Variants in KCNQ1 observed in about 807,000 individuals in gnomAD.
KCNQ1 encodes potassium voltage-gated channel subfamily KQT member 1.
KCNQ1 carries 49 observed loss-of-function variants against 72.4 expected under a neutral mutation model. That is an observed-to-expected ratio of 0.68 (90% CI 0.54 to 0.86). The LOEUF is 0.86. KCNQ1 is among the 40% of genes least tolerant of loss of function. KCNQ1 has a pLI of 0.00. For synonymous variants in KCNQ1, 450 were observed against 412.6 expected (o/e 1.09, Z -1.10); for missense variants, 790 against 945.1 (o/e 0.84, Z 2.15).
chr11:2,560,510 C>T lies in KCNQ1; in HGVS notation c.478-10118C>T, dbSNP rs865841248. Among the ~76,000 whole-genome samples, 234 of 29,428 alleles carry T rather than the reference C, an allele frequency of 8.0e-3. 1 individual carries two copies. The highest frequency in any genetic ancestry group is 0.042 in the Middle Eastern group (1 of 24). The allele number at this position is 29,428 out of a possible 152,430, so 19.3% of individuals were successfully genotyped here. A position where few individuals can be genotyped will look rare whatever the true frequency, so the allele number is the denominator to read the frequency against. On this transcript the variant is annotated intron_variant, in intron 2 of 15. Transcript: ENST00000155840. Reference sequence around the variant, plus strand: ...GCGGGTGATGTTCATCCTTGGGGGACGGGGGAAGGTGATGTTCCTTCTGGG... The same window carrying T: ...GCGGGTGATGTTCATCCTTGGGGGATGGGGGAAGGTGATGTTCCTTCTGGG...
rs553305164 is a variant in KCNQ1, at chr11:2,673,279, C to T, written c.1514+11198C>T. On this transcript the variant is annotated intron_variant, in intron 11 of 15. Coordinates refer to ENST00000155840, the MANE Select transcript of KCNQ1 (RefSeq NM_000218.3). This position sits in a 1 kb window ranked among gnomAD's most constrained non-coding sequence, Gnocchi z 4.5. ...ACTGCAAAGCCTCAGCCACCTTCTC[C>T]CCTAGAAGAAATCTTGAGAGAAACA... 1 of 398,734 alleles carries T rather than the reference C, an allele frequency of 2.5e-6. No homozygotes were observed. The highest frequency in any genetic ancestry group is 3.6e-5 in the East Asian group (1 of 28,072). The allele number at this position is 398,734 out of a possible 1,614,324, so 24.7% of individuals were successfully genotyped here. A position where few individuals can be genotyped will look rare whatever the true frequency, so the allele number is the denominator to read the frequency against.
At position 2,567,633 on chromosome 11, in the gene KCNQ1, T is replaced by C. The variant is rs1451393746; in HGVS notation, c.478-2995T>C. 1.3e-5 allele frequency among the ~76,000 whole-genome samples: 2 copies of C among 152,230 alleles called. No homozygotes were observed. The highest frequency in any genetic ancestry group is 4.8e-5 in the African/African-American group (2 of 41,446). On this transcript the variant is annotated intron_variant, in intron 2 of 15. Coordinates refer to ENST00000155840, the MANE Select transcript of KCNQ1 (RefSeq NM_000218.3). The surrounding 1 kb of genome is among the most constrained non-coding windows in gnomAD (Gnocchi z 6.6). ...AGGGGACTTTTCCTTGGCTCTTTCC[T>C]GGCCTGCTAGCAGCACCAGCCTAAT... is the stretch of plus-strand genomic sequence containing the variant.
At chr11:2,528,350 G>A (rs966844389) in intron 2 of KCNQ1, among the ~76,000 whole-genome samples, 6 of 152,318 alleles carry the variant, frequency 3.9e-5, no homozygotes, top group South Asian at 2.1e-4. Flanking sequence ...AGGCCTGCCC[G>A]AGCCTTCGTG....
rs1401489952 is a variant in KCNQ1 at position 2,782,185 on chromosome 11, C to G, written c.1794+4148C>G. ...CAGAGCCGCCGTGCTGCTGTTCATCCTCTCCCTTTAGCCCAACCCCTGCTG... is the reference window on the plus strand; with the variant it reads ...CAGAGCCGCCGTGCTGCTGTTCATCGTCTCCCTTTAGCCCAACCCCTGCTG... On this transcript the variant is annotated intron_variant, in intron 15 of 15. Coordinates refer to ENST00000155840, the MANE Select transcript of KCNQ1 (RefSeq NM_000218.3). The surrounding 1 kb of genome is among the most constrained non-coding windows in gnomAD (Gnocchi z 6.1). Among the ~76,000 whole-genome samples the G allele has an allele frequency of 6.6e-6, 1 of 152,110 alleles. No homozygotes were observed. The highest frequency in any genetic ancestry group is 1.5e-5 in the Non-Finnish European group (1 of 68,018).
chr11:2,788,884 G>A (rs969869516), intron 15 of KCNQ1, among the ~76,000 whole-genome samples: 1 of 152,162 alleles, frequency 6.6e-6, no homozygotes, highest in African/African-American at 2.4e-5. Context: ...ACAGGGGTGG[G>A]TGTGTCTGCC....
intron 11 of KCNQ1, among the ~76,000 whole-genome samples, chr11:2,736,483 G>A (rs1297635401): frequency 6.6e-6 from 1 of 152,184 alleles, no homozygotes; most frequent in African/African-American, 2.4e-5. Context: ...TGGCCCCCGT[G>A]CCTGGAGAGA....
intron 8 of KCNQ1, among the ~76,000 whole-genome samples, chr11:2,586,482 C>G (rs1376171827): frequency 5.9e-5 from 9 of 152,210 alleles, no homozygotes; most frequent in Admixed American, 5.9e-4. Flanking sequence ...CATTGGATTC[C>G]TGGTCCCACT....
rs1466691713 is a variant in KCNQ1 at position 2,516,834 on chromosome 11, G to T, written c.387-11094G>T. ...CAGGGCTGCACTGGGCTCTTCTGGT[G>T]GGGAGGGACATTGTTCTGGCCCCTC... is the stretch of plus-strand genomic sequence containing the variant. On this transcript the variant is annotated intron_variant, in intron 1 of 15. Coordinates refer to ENST00000155840, the MANE Select transcript of KCNQ1 (RefSeq NM_000218.3). This position sits in a 1 kb window ranked among gnomAD's most constrained non-coding sequence, Gnocchi z 7.0. Among the ~76,000 whole-genome samples, 1 of 152,118 alleles carries T rather than the reference G, an allele frequency of 6.6e-6. No individual in the cohort carries two copies. Among genetic ancestry groups the T allele is most frequent in the Non-Finnish European group, 1.5e-5 (1 of 68,010 alleles).
intron 2 of KCNQ1, among the ~76,000 whole-genome samples, 180 bp downstream of exon 2, chr11:2,528,198 T>A (rs867501145): frequency 6.6e-6 from 1 of 152,006 alleles, no homozygotes; most frequent in Non-Finnish European, 1.5e-5. Flanking sequence ...TGACTTGGGA[T>A]GTATGTGCCA....
chr11:2,656,675 C>T (rs900428180), intron 10 of KCNQ1: 16 of 396,512 alleles, frequency 4.0e-5, no homozygotes, highest in Middle Eastern at 1.2e-3. Flanking sequence ...TTTGTGGGCA[C>T]TGTCTTTTCA....
At chr11:2,490,179 C>A (rs946851040) in intron 1 of KCNQ1, among the ~76,000 whole-genome samples, 2 of 151,714 alleles carry the variant, frequency 1.3e-5, no homozygotes, top group African/African-American at 4.8e-5. Context: ...GGGAGAGGCT[C>A]CTTTGCCTAT....
At position 2,725,485 on chromosome 11, in the gene KCNQ1, A is replaced by G. The variant is rs78439663; in HGVS notation, c.1515-43359A>G. Among the ~76,000 whole-genome samples the G allele has an allele frequency of 4.2e-3, 642 of 152,280 alleles. 18 individuals carry two copies. The highest frequency in any genetic ancestry group is 8.1e-3 in the East Asian group (42 of 5,178). On this transcript the variant is annotated intron_variant, in intron 11 of 15. Coordinates refer to ENST00000155840, the MANE Select transcript of KCNQ1 (RefSeq NM_000218.3). The surrounding 1 kb of genome is among the most constrained non-coding windows in gnomAD (Gnocchi z 7.2). Reference sequence around the variant, plus strand: ...CCATTTGTCCGGTTGGGGGTCCCCAATCGTCTTCGAGCTACTGATATAGAA... The same window carrying G: ...CCATTTGTCCGGTTGGGGGTCCCCAGTCGTCTTCGAGCTACTGATATAGAA...
rs1024883037 is a variant in KCNQ1 at position 2,595,235 on chromosome 11, A to G, written c.1393+6381A>G. Among the ~76,000 whole-genome samples the G allele has an allele frequency of 6.6e-6, 1 of 152,198 alleles. No individual in the cohort carries two copies. The highest frequency in any genetic ancestry group is 2.1e-4 in the South Asian group (1 of 4,834). Reference sequence around the variant, plus strand: ...CATGGTTATCTATGTAGAAAATCTGATGAACATGCAAGATGACCACTATGA... The same window carrying G: ...CATGGTTATCTATGTAGAAAATCTGGTGAACATGCAAGATGACCACTATGA... On this transcript the variant is annotated intron_variant, in intron 10 of 15. Coordinates refer to ENST00000155840, the MANE Select transcript of KCNQ1 (RefSeq NM_000218.3). This position sits in a 1 kb window ranked among gnomAD's most constrained non-coding sequence, Gnocchi z 5.0.
At position 2,458,955 on chromosome 11, in the gene KCNQ1, C is replaced by T. The variant is rs561602034; in HGVS notation, c.386+13471C>T. On this transcript the variant is annotated intron_variant, in intron 1 of 15. Coordinates refer to ENST00000155840, the MANE Select transcript of KCNQ1 (RefSeq NM_000218.3). This position sits in a 1 kb window ranked among gnomAD's most constrained non-coding sequence, Gnocchi z 4.6. ...TGATGACAAATATTGGATTAAATTA[C>T]TTCTGGTTTGCTGCATGTTCCATTT... 3.9e-5 allele frequency among the ~76,000 whole-genome samples: 6 copies of T among 152,226 alleles called. No homozygotes were observed. Among genetic ancestry groups the T allele is most frequent in the South Asian group, 2.1e-4 (1 of 4,828 alleles).
chr11:2,665,322 A>G (rs994176465), intron 11 of KCNQ1: 18 of 398,204 alleles, frequency 4.5e-5, no homozygotes, highest in Admixed American at 1.3e-4. Flanking sequence ...AAAGGTGGGA[A>G]GTAGAGACTG....
Position 2,718,451 on chromosome 11 carries a change from T to C in KCNQ1, c.1515-50393T>C, listed in dbSNP as rs193181572. Among the ~76,000 whole-genome samples, 9 of 152,230 alleles carry C rather than the reference T, an allele frequency of 5.9e-5. No individual in the cohort carries two copies. The East Asian group carries it at 1.7e-3, about 29-fold the overall frequency. On this transcript the variant is annotated intron_variant, in intron 11 of 15. Transcript: ENST00000155840. ...TCCCCGTAGCCTCATGGGGCACAGC[T>C]CTGAGGATGTGGATGAGCAGAGGGG... is the stretch of plus-strand genomic sequence containing the variant.
At chr11:2,609,089 C>T (rs1848932410) in intron 10 of KCNQ1, 1 of 397,876 alleles carries the variant, frequency 2.5e-6, no homozygotes, top group African/African-American at 2.1e-5. Context: ...GTTTGCTCTT[C>T]TTTTTCTAGT....
chr11:2,610,591 C>A (rs1488709748), intron 10 of KCNQ1: 1 of 398,172 alleles, frequency 2.5e-6, no homozygotes, highest in Non-Finnish European at 4.4e-6. Flanking sequence ...GCCTGAAGAA[C>A]TTCCTCTAGT....
rs1848399338 is a variant in KCNQ1 at position 2,574,947 on chromosome 11, T to C, written c.921+1961T>C. ...CCTGCGGGAGCCTGCCTGCAGTGAG[T>C]GTGGATGGGTAGGGCGTGCTCGGGG... On this transcript the variant is annotated intron_variant, in intron 6 of 15. Transcript: ENST00000155840. 7.2e-5 allele frequency among the ~76,000 whole-genome samples: 11 copies of C among 151,796 alleles called. No individual in the cohort carries two copies. In the South Asian group the frequency reaches 2.3e-3, roughly 32 times the overall value.
Sources: allele counts gnomAD v4.1 joint callset (sites outside exome capture counted in the v4.1 genomes callset), GRCh38; gene constraint gnomAD v4.1.1; non-coding constraint Gnocchi (gnomAD v3.1); transcripts MANE v1.5; gene names NCBI Gene and HGNC (gene_info 2026-07-23, HGNC 2026-07-21).